The following MSI2 variants were observed in gnomAD, a reference collection of about 807,000 sequenced individuals.
MSI2 encodes the protein RNA-binding protein Musashi homolog 2.
In MSI2, 17 loss-of-function variants were observed where a neutral mutation model predicts 45.6. That is an observed-to-expected ratio of 0.37 (90% CI 0.26 to 0.56). The LOEUF is 0.56. Ranked by LOEUF, MSI2 falls within the 20% of genes least tolerant of loss-of-function variation. MSI2 has a pLI of 0.77. For missense variants in MSI2, 293 were observed against 444.2 expected (o/e 0.66, Z 3.06); for synonymous variants, 156 against 158.2 (o/e 0.99, Z 0.11).
intron 6 of MSI2, among the ~76,000 whole-genome samples, chr17:57,483,601 A>C (rs1456041474): frequency 6.6e-6 from 1 of 152,212 alleles, no homozygotes; most frequent in East Asian, 1.9e-4. Flanking sequence ...GATGAGGGAA[A>C]GACTAAAACT....
intron 9 of MSI2, among the ~76,000 whole-genome samples, chr17:57,622,720 T>C (rs1002796408): frequency 5.9e-5 from 9 of 151,994 alleles, no homozygotes; most frequent in Non-Finnish European, 7.4e-5. Flanking sequence ...CACTAACAGA[T>C]CAAAAGATTG....
Position 57,620,642 on chromosome 17 carries a change from T to C in MSI2, c.652+4558T>C, listed in dbSNP as rs541296045. 2.0e-5 allele frequency among the ~76,000 whole-genome samples: 3 copies of C among 152,298 alleles called. No individual in the cohort carries two copies. The South Asian group carries it at 6.2e-4, about 32-fold the overall frequency. On this transcript the variant is annotated intron_variant, in intron 9 of 13. Coordinates refer to ENST00000284073, the MANE Select transcript of MSI2 (RefSeq NM_138962.4). ...GTGGCAACTGCGGCCTCTTTCTCCT[T>C]GTGGACTCCCAGCCCAAGGAGTTTG...
At chr17:57,430,799 G>C (rs1167611997) in intron 6 of MSI2, among the ~76,000 whole-genome samples, 2 of 152,320 alleles carry the variant, frequency 1.3e-5, no homozygotes, top group South Asian at 4.1e-4. Flanking sequence ...AGAGGTGGTG[G>C]GAGGAAGCAA....
At chr17:57,536,475 G>A (rs1164565505) in intron 7 of MSI2, among the ~76,000 whole-genome samples, 4 of 152,198 alleles carry the variant, frequency 2.6e-5, no homozygotes, top group Non-Finnish European at 4.4e-5. Flanking sequence ...TGGCTCCCAC[G>A]CTGCCCTCGT....
rs1913519387 is a variant in MSI2, at chr17:57,680,254, T to C, written c.*737T>C. 4.4e-6 allele frequency: 1 copy of C among 229,300 alleles called. No individual in the cohort carries two copies. The highest frequency in any genetic ancestry group is 2.2e-5 in the African/African-American group (1 of 45,182). The allele number at this position is 229,300 out of a possible 1,614,324, so 14.2% of individuals were successfully genotyped here. ...GCAATAAGGTAAGGACGACAGTGTTTTGAGTGTCCTCCTTTTCTATAAGTG... is the reference window on the plus strand; with the variant it reads ...GCAATAAGGTAAGGACGACAGTGTTCTGAGTGTCCTCCTTTTCTATAAGTG... On this transcript the variant is annotated 3_prime_UTR_variant, in exon 14 of 14. Transcript: ENST00000284073.
chr17:57,586,514 A>AT (rs397781150), intron 7 of MSI2, among the ~76,000 whole-genome samples: 70 of 151,218 alleles, frequency 4.6e-4, no homozygotes, highest in African/African-American at 1.7e-3. Context: ...AAAAAAAAAA[A>AT]TCTCCTAGTG....
At chr17:57,547,741 TACACAC>T (rs34631177) in intron 7 of MSI2, among the ~76,000 whole-genome samples, 4,435 of 123,378 alleles carry the variant, frequency 0.036, 96 homozygotes, top group African/African-American at 0.076. Flanking sequence ...AGACAAAAAG[TACACAC>T]ACACACACAC....
At chr17:57,434,190 C>T (rs762600845) in intron 6 of MSI2, among the ~76,000 whole-genome samples, 3 of 152,138 alleles carry the variant, frequency 2.0e-5, no homozygotes, top group Non-Finnish European at 2.9e-5. Flanking sequence ...ACCTCCGCCT[C>T]CTGGGTCCAA....
chr17:57,449,012 A>G (rs2084949029), intron 6 of MSI2: 2 of 152,268 alleles, frequency 1.3e-5, no homozygotes, highest in African/African-American at 2.4e-5. Flanking sequence ...CTTTGTTATC[A>G]TGAGCGGCAT....
At chr17:57,656,334 T>G (rs1403933883) in intron 11 of MSI2, among the ~76,000 whole-genome samples, 1 of 152,014 alleles carries the variant, frequency 6.6e-6, no homozygotes, top group Non-Finnish European at 1.5e-5. Context: ...TTGGAAGGAG[T>G]CTTAAAGGTC....
At chr17:57,554,557 A>T (rs531456990) in intron 7 of MSI2, among the ~76,000 whole-genome samples, 7 of 152,274 alleles carry the variant, frequency 4.6e-5, no homozygotes, top group East Asian at 1.9e-4. Context: ...ATATGAGGGA[A>T]TGTTCTACAC....
At chr17:57,382,187 G>A (rs908954352) in intron 5 of MSI2, among the ~76,000 whole-genome samples, 5 of 152,196 alleles carry the variant, frequency 3.3e-5, no homozygotes, top group Non-Finnish European at 7.3e-5. Context: ...AATGGCCCAG[G>A]TACTGGGAAT....
chr17:57,333,960 AAGATG>A (rs2143747070), intron 5 of MSI2, among the ~76,000 whole-genome samples: 1 of 152,270 alleles, frequency 6.6e-6, no homozygotes, highest in African/African-American at 2.4e-5. Context: ...GTCATCTTGG[AAGATG>A]ACTTTGCTTC....
chr17:57,583,615 G>T (rs534818542), intron 7 of MSI2, among the ~76,000 whole-genome samples: 1 of 151,290 alleles, frequency 6.6e-6, no homozygotes, highest in Admixed American at 6.6e-5. Flanking sequence ...CCACAGGCAC[G>T]TGCCACGACG....
At chr17:57,659,500 GT>G (rs1413357901) in intron 11 of MSI2, among the ~76,000 whole-genome samples, 1 of 152,180 alleles carries the variant, frequency 6.6e-6, no homozygotes, top group Non-Finnish European at 1.5e-5. Context: ...TTACAAGCAT[GT>G]TTTTGTTTTG....
chr17:57,538,304 T>C (rs2086966358), intron 7 of MSI2, among the ~76,000 whole-genome samples: 1 of 152,086 alleles, frequency 6.6e-6, no homozygotes, highest in Admixed American at 6.5e-5. Context: ...CCTAGAGGGG[T>C]CCCGGTTATT....
At chr17:57,321,921 C>T (rs1437000646) in intron 5 of MSI2, among the ~76,000 whole-genome samples, 1 of 152,046 alleles carries the variant, frequency 6.6e-6, no homozygotes, top group African/African-American at 2.4e-5. Context: ...CCCAGCCTCC[C>T]GAGTAGCTGG....
chr17:57,325,070 C>T (rs1913676490), intron 5 of MSI2, among the ~76,000 whole-genome samples: 1 of 152,190 alleles, frequency 6.6e-6, no homozygotes, highest in South Asian at 2.1e-4. Flanking sequence ...ATGGAGCCAA[C>T]CTAAGTGCCC....
intron 6 of MSI2, among the ~76,000 whole-genome samples, chr17:57,522,083 C>T (rs1028670296): frequency 6.6e-5 from 10 of 152,184 alleles, no homozygotes; most frequent in Admixed American, 1.3e-4. Context: ...CCATGTTCTG[C>T]GTAATCCTGG....
Sources: allele counts gnomAD v4.1 joint callset (sites outside exome capture counted in the v4.1 genomes callset), GRCh38; gene constraint gnomAD v4.1.1; transcripts MANE v1.5; gene names NCBI Gene and HGNC (gene_info 2026-07-23, HGNC 2026-07-21).